The following SLC39A11 variants were observed in gnomAD, a reference collection of about 807,000 sequenced individuals.
SLC39A11 encodes solute carrier family 39 member 11.
In SLC39A11, 33 loss-of-function variants were observed where a neutral mutation model predicts 36.1. The observed-to-expected ratio is 0.91, with a 90% confidence interval of 0.69 to 1.22. The LOEUF (loss-of-function observed/expected upper bound fraction) is 1.22. Ranked by LOEUF, SLC39A11 falls within the 50% of genes most tolerant of loss-of-function variation. The pLI is 0.00. For missense variants in SLC39A11, 432 were observed against 430.3 expected, an observed-to-expected ratio of 1.00 and a Z score of -0.03; for synonymous variants, 166 against 170.3, an observed-to-expected ratio of 0.97 and a Z score of 0.20.
intron 5 of SLC39A11, among the ~76,000 whole-genome samples, chr17:72,896,192 C>CTTTTTTT (rs771180987): frequency 9.4e-5 from 7 of 74,556 alleles, no homozygotes; most frequent in African/African-American, 2.4e-4. Context: ...CACATTAATC[C>CTTTTTTT]TTTTTTTTTT....
At chr17:72,777,837 C>G (rs750345421) in intron 6 of SLC39A11, among the ~76,000 whole-genome samples, 1 of 151,602 alleles carries the variant, frequency 6.6e-6, no homozygotes, top group Non-Finnish European at 1.5e-5. Flanking sequence ...CTATGCTTTA[C>G]GTACACTGTG....
intron 4 of SLC39A11, among the ~76,000 whole-genome samples, chr17:73,025,174 G>A (rs894343044): frequency 2.0e-5 from 3 of 152,136 alleles, no homozygotes; most frequent in Non-Finnish European, 4.4e-5. Flanking sequence ...ATCCCTGCTT[G>A]CCAGCCTCCC....
intron 6 of SLC39A11, among the ~76,000 whole-genome samples, chr17:72,740,403 A>C (rs1322253457): frequency 6.6e-6 from 1 of 152,078 alleles, no homozygotes; most frequent in Non-Finnish European, 1.5e-5. Context: ...AGGAAGAGAA[A>C]ATACATTTAC....
At chr17:72,667,025 A>G (rs1352585449) in intron 7 of SLC39A11, among the ~76,000 whole-genome samples, 2 of 152,168 alleles carry the variant, frequency 1.3e-5, no homozygotes, top group African/African-American at 4.8e-5. Context: ...TGGGGAGGAC[A>G]CTTTGGAGCA....
intron 7 of SLC39A11, among the ~76,000 whole-genome samples, chr17:72,688,224 T>C (rs923635811): frequency 6.6e-6 from 1 of 152,162 alleles, no homozygotes; most frequent in Non-Finnish European, 1.5e-5. Context: ...AGAACAAGAA[T>C]AGGGCCTAAG....
intron 6 of SLC39A11, among the ~76,000 whole-genome samples, chr17:72,767,958 T>G (rs1319623864): frequency 1.3e-5 from 2 of 152,104 alleles, no homozygotes; most frequent in Admixed American, 6.6e-5. Flanking sequence ...GTTATGCGTT[T>G]TTTTCAAAGG....
chr17:72,858,554 A>G (rs1455992453), intron 5 of SLC39A11, among the ~76,000 whole-genome samples: 1 of 152,200 alleles, frequency 6.6e-6, no homozygotes, highest in African/African-American at 2.4e-5. Context: ...GAATCTGTAA[A>G]TTGCTTTGTG....
Position 72,777,296 on chromosome 17 carries a change from T to C in SLC39A11, c.602-40577A>G, listed in dbSNP as rs189443595. On this transcript the variant is annotated intron_variant, in intron 6 of 9. Transcript: ENST00000255559. Reference sequence around the variant, plus strand: ...GGCAGGAAGGGAGTTACCTATTTAATAGGAACTCTTCTCAGAAAATTGTAA... The same window carrying C: ...GGCAGGAAGGGAGTTACCTATTTAACAGGAACTCTTCTCAGAAAATTGTAA... Among the ~76,000 whole-genome samples, 124 of 152,236 alleles carry C rather than the reference T, an allele frequency of 8.1e-4. 1 individual carries two copies. The highest frequency in any genetic ancestry group is 8.8e-5 in the Non-Finnish European group (6 of 68,018).
intron 6 of SLC39A11, among the ~76,000 whole-genome samples, chr17:72,753,555 G>T (rs2144372778): frequency 6.6e-6 from 1 of 152,084 alleles, no homozygotes; most frequent in South Asian, 2.1e-4. Flanking sequence ...TGAACATACT[G>T]CTTTGAATTT....
intron 3 of SLC39A11, among the ~76,000 whole-genome samples, chr17:73,070,209 C>A (rs2060120862): frequency 1.3e-5 from 2 of 152,340 alleles, no homozygotes; most frequent in South Asian, 4.2e-4. Context: ...GAGTTCCCAG[C>A]TGCAGGCTGA....
At chr17:72,971,336 A>ACACACTCT (rs1555657685) in intron 4 of SLC39A11, among the ~76,000 whole-genome samples, 5,712 of 143,314 alleles carry the variant, frequency 0.04, 388 homozygotes, top group African/African-American at 0.14. Context: ...ACACACACAC[A>ACACACTCT]CTCTCTCTCT....
intron 6 of SLC39A11, among the ~76,000 whole-genome samples, chr17:72,785,903 T>C (rs2076497901): frequency 6.6e-6 from 1 of 152,158 alleles, no homozygotes; most frequent in African/African-American, 2.4e-5. Context: ...CAGGAAAATA[T>C]GTTAGCTTGG....
chr17:72,745,048 G>A (rs2074874175), intron 6 of SLC39A11, among the ~76,000 whole-genome samples: 1 of 129,298 alleles, frequency 7.7e-6, no homozygotes, highest in Admixed American at 7.4e-5. Flanking sequence ...CACCATGTTG[G>A]CCAGGCTGGT....
intron 5 of SLC39A11, among the ~76,000 whole-genome samples, chr17:72,901,559 C>G (rs921535196): frequency 5.9e-5 from 9 of 152,160 alleles, no homozygotes; most frequent in Non-Finnish European, 8.8e-5. Context: ...TGGACTATAA[C>G]TGGATATTTG....
chr17:73,067,950 G>A, intron 3 of SLC39A11: 1 of 1,599,082 alleles, frequency 6.3e-7, no homozygotes, highest in Non-Finnish European at 8.6e-7. Flanking sequence ...CCAACTTCTT[G>A]GTCTGGGGAA....
At chr17:72,678,577 C>A (rs542537342) in intron 7 of SLC39A11, among the ~76,000 whole-genome samples, 3 of 151,992 alleles carry the variant, frequency 2.0e-5, no homozygotes, top group Admixed American at 6.6e-5. Context: ...TGGTGGCGTG[C>A]GCCTGTAATC....
At chr17:72,796,925 C>G (rs1237898247) in intron 6 of SLC39A11, among the ~76,000 whole-genome samples, 2 of 152,062 alleles carry the variant, frequency 1.3e-5, no homozygotes, top group African/African-American at 4.8e-5. Context: ...ACCGAGAATG[C>G]AATACAAGGT....
At chr17:72,976,027 G>A (rs58953747) in intron 4 of SLC39A11, among the ~76,000 whole-genome samples, 6,980 of 151,366 alleles carry the variant, frequency 0.046, 562 homozygotes, top group African/African-American at 0.16. Flanking sequence ...AAAATTAGCC[G>A]GGCGTGGTGG....
At chr17:73,033,995 C>T (rs749134778) in intron 3 of SLC39A11, among the ~76,000 whole-genome samples, 5 of 152,168 alleles carry the variant, frequency 3.3e-5, no homozygotes, top group Non-Finnish European at 4.4e-5. Context: ...AATGCCTCTG[C>T]TCAACAGGAT....
Sources: allele counts gnomAD v4.1 joint callset (sites outside exome capture counted in the v4.1 genomes callset), GRCh38; gene constraint gnomAD v4.1.1; transcripts MANE v1.5; gene names NCBI Gene and HGNC (gene_info 2026-07-23, HGNC 2026-07-21).